Variants in CEP44 observed in about 807,000 individuals in gnomAD.
CEP44 encodes the protein centrosomal protein of 44 kDa.
A neutral mutation model predicts 46.7 loss-of-function variants in CEP44; 45 were observed. The ratio of observed to expected loss-of-function variants is 0.96; its 90% CI spans 0.76 to 1.24. CEP44 has a LOEUF of 1.24. Among genes scored for constraint, CEP44 ranks in the 50% most tolerant of loss-of-function variants. The pLI is 0.00. For synonymous variants in CEP44, 142 were observed against 146.0 expected (o/e 0.97, Z 0.20); for missense variants, 475 against 459.7 (o/e 1.03, Z -0.30).
intron 11 of CEP44, 151 bp downstream of exon 11, chr4:174,316,718 T>A: frequency 1.7e-6 from 1 of 603,498 alleles, no homozygotes; most frequent in South Asian, 2.4e-5. Context: ...GGATAATAAA[T>A]CCACCTACAG....
At position 174,314,734 on chromosome 4, in the gene CEP44, T is replaced by G. The variant is rs749360274; in HGVS notation, c.962-1432T>G. On this transcript the variant is annotated intron_variant, in intron 9 of 11. Transcript: ENST00000503780. This position sits in a 1 kb window ranked among gnomAD's most constrained non-coding sequence, Gnocchi z 4.1. ...AAGATTTAGTGCATAGTAGATATAG[T>G]TCCTGCCTAATTTCAAATTATTTCT... Among the ~76,000 whole-genome samples, 2 of 152,230 alleles carry G rather than the reference T, an allele frequency of 1.3e-5. No individual in the cohort carries two copies. Among genetic ancestry groups the G allele is most frequent in the Non-Finnish European group, 2.9e-5 (2 of 68,032 alleles).
rs1384104223 is a variant in CEP44 at position 174,319,558 on chromosome 4, A to G, written c.*2175A>G. 1.2e-6 allele frequency: 1 copy of G among 823,910 alleles called. No homozygotes were observed. Among genetic ancestry groups the G allele is most frequent in the African/African-American group, 1.9e-5 (1 of 53,988 alleles). 51.0% of individuals were successfully genotyped at this position (823,910 alleles called of 1,614,324 possible). ...TTTTCTTTATATAGTGCAGATATAC[A>G]CACAGAGAAGGGACTTAAAACATTT... is the stretch of plus-strand genomic sequence containing the variant. On this transcript the variant is annotated 3_prime_UTR_variant, in exon 12 of 12. Transcript: ENST00000503780.
At position 174,283,914 on chromosome 4, in the gene CEP44, G is replaced by C; in HGVS notation, c.-177G>C. 2 of 399,054 alleles carry C rather than the reference G, an allele frequency of 5.0e-6. No homozygotes were observed. The highest frequency in any genetic ancestry group is 8.8e-6 in the Non-Finnish European group (2 of 226,226). 24.7% of individuals were successfully genotyped at this position (399,054 alleles called of 1,614,324 possible). ...GCAGCGAGGAATCCTGGAGCACAGA[G>C]AAGCTCCCAGCTTTGAAGGTCTTGC... On this transcript the variant is annotated 5_prime_UTR_variant, in exon 1 of 12. Coordinates refer to ENST00000503780, the MANE Select transcript of CEP44 (RefSeq NM_001040157.3). The surrounding 1 kb of genome is among the most constrained non-coding windows in gnomAD (Gnocchi z 6.7).
rs573090815 is a variant in CEP44, at chr4:174,290,876, T to A, written c.-148+6933T>A. ...TAGTTGTTGTATCTTTCTATTGAAT[T>A]GACCCTTTTACTATTATATAATGCC... On this transcript the variant is annotated intron_variant, in intron 1 of 11. Transcript: ENST00000503780. The surrounding 1 kb of genome is among the most constrained non-coding windows in gnomAD (Gnocchi z 4.3). 2.0e-5 allele frequency among the ~76,000 whole-genome samples: 3 copies of A among 152,354 alleles called. No individual in the cohort carries two copies. The highest frequency in any genetic ancestry group is 7.2e-5 in the African/African-American group (3 of 41,590).
rs1007093187 is a variant in CEP44 at position 174,312,227 on chromosome 4, A to G, written c.961+1369A>G. 2.0e-5 allele frequency among the ~76,000 whole-genome samples: 3 copies of G among 151,828 alleles called. No homozygotes were observed. Among genetic ancestry groups the G allele is most frequent in the Admixed American group, 2.0e-4 (3 of 15,218 alleles). The stretch of plus-strand genomic sequence containing the variant: ...TATTTTTTTTTAATGACATGATTAT[A>G]GAATATACCTTTAACCTATTTAGAA... On this transcript the variant is annotated intron_variant, in intron 9 of 11. Coordinates refer to ENST00000503780, the MANE Select transcript of CEP44 (RefSeq NM_001040157.3). This position sits in a 1 kb window ranked among gnomAD's most constrained non-coding sequence, Gnocchi z 4.5.
downstream of CEP44, among the ~76,000 whole-genome samples, chr4:174,321,198 A>G (rs1742293317): frequency 1.3e-5 from 2 of 152,190 alleles, no homozygotes; most frequent in African/African-American, 4.8e-5. Context: ...CTTTAAGTTC[A>G]AGAAATATTA....
chr4:174,313,776 G>C (rs1741360731), intron 9 of CEP44, among the ~76,000 whole-genome samples: 1 of 152,132 alleles, frequency 6.6e-6, no homozygotes. Flanking sequence ...ATACAAAAAG[G>C]GTGAAGGAGA....
intron 8 of CEP44, among the ~76,000 whole-genome samples, chr4:174,330,488 CAA>C (rs199858781): frequency 2.8e-4 from 21 of 75,028 alleles, no homozygotes; most frequent in African/African-American, 4.7e-4. Flanking sequence ...GACTTCGTCT[CAA>C]AAAAAAAAAA....
At position 174,290,980 on chromosome 4, in the gene CEP44, A is replaced by G. The variant is rs1478354433; in HGVS notation, c.-147-6986A>G. ...ATAGCCACCCTGCTCTCTTTTGGTTATAGTTTGCATGGAATATCTTTCTCA... is the reference window on the plus strand; with the variant it reads ...ATAGCCACCCTGCTCTCTTTTGGTTGTAGTTTGCATGGAATATCTTTCTCA... On this transcript the variant is annotated intron_variant, in intron 1 of 11. Coordinates refer to ENST00000503780, the MANE Select transcript of CEP44 (RefSeq NM_001040157.3). The surrounding 1 kb of genome is among the most constrained non-coding windows in gnomAD (Gnocchi z 4.3). 3.3e-5 allele frequency among the ~76,000 whole-genome samples: 5 copies of G among 152,116 alleles called. No individual in the cohort carries two copies. Among genetic ancestry groups the G allele is most frequent in the Non-Finnish European group, 7.4e-5 (5 of 68,022 alleles).
Position 174,288,126 on chromosome 4 carries a change from G to A in CEP44, c.-148+4183G>A, listed in dbSNP as rs933973357. ...CTTCATTTTTTAACCTGTTTATTGC[G>A]GTATGATTGACATACAGAAAGCTAT... On this transcript the variant is annotated intron_variant, in intron 1 of 11. Coordinates refer to ENST00000503780, the MANE Select transcript of CEP44 (RefSeq NM_001040157.3). The surrounding 1 kb of genome is among the most constrained non-coding windows in gnomAD (Gnocchi z 4.6). Among the ~76,000 whole-genome samples, 5 of 152,048 alleles carry A rather than the reference G, an allele frequency of 3.3e-5. No individual in the cohort carries two copies. The highest frequency in any genetic ancestry group is 1.9e-4 in the East Asian group (1 of 5,190).
At chr4:174,291,063 G>A (rs887552005) in intron 1 of CEP44, among the ~76,000 whole-genome samples, 3 of 152,088 alleles carry the variant, frequency 2.0e-5, no homozygotes, top group Non-Finnish European at 4.4e-5. Flanking sequence ...TGTAGATAGC[G>A]TATAGTTGAG....
At chr4:174,296,905 A>G (rs77515238) in intron 1 of CEP44, among the ~76,000 whole-genome samples, 3,189 of 151,636 alleles carry the variant, frequency 0.021, 45 homozygotes, top group Non-Finnish European at 0.033. Flanking sequence ...TTGTGTTGTC[A>G]GGTGCATATA....
In CEP44 at chr4:174,310,889, T is replaced by C. The variant is rs774624854; in HGVS notation, c.961+31T>C. On this transcript the variant is annotated intron_variant, in intron 9 of 11. Coordinates refer to ENST00000503780, the MANE Select transcript of CEP44 (RefSeq NM_001040157.3). This position sits in a 1 kb window ranked among gnomAD's most constrained non-coding sequence, Gnocchi z 4.2. ...TTTGTAAATACTATGAGAATTGGTATGATGAGTTTTCAGAAAAATGATTGT... is the reference window on the plus strand; with the variant it reads ...TTTGTAAATACTATGAGAATTGGTACGATGAGTTTTCAGAAAAATGATTGT... The C allele has an allele frequency of 1.0e-6, 1 of 969,540 alleles. No individual in the cohort carries two copies. Among genetic ancestry groups the C allele is most frequent in the Non-Finnish European group, 1.6e-6 (1 of 630,990 alleles). The allele number at this position is 969,540 out of a possible 1,614,324, so 60.1% of individuals were successfully genotyped here.
At position 174,318,030 on chromosome 4, in the gene CEP44, A is replaced by G; in HGVS notation, c.*647A>G. On this transcript the variant is annotated 3_prime_UTR_variant, in exon 12 of 12. Coordinates refer to ENST00000503780, the MANE Select transcript of CEP44 (RefSeq NM_001040157.3). ...CTATGGTCTCAAGGTTCACCATGAGAAATGTGTTGAACATTTTAGTATGCT... is the reference window on the plus strand; with the variant it reads ...CTATGGTCTCAAGGTTCACCATGAGGAATGTGTTGAACATTTTAGTATGCT... 2 of 985,366 alleles carry G rather than the reference A, an allele frequency of 2.0e-6. No individual in the cohort carries two copies. Among genetic ancestry groups the G allele is most frequent in the South Asian group, 9.4e-5 (2 of 21,286 alleles). The allele number at this position is 985,366 out of a possible 1,614,324, so 61.0% of individuals were successfully genotyped here.
intron 6 of CEP44, 108 bp downstream of exon 6, chr4:174,304,477 T>C (rs1300928423): frequency 5.6e-6 from 8 of 1,421,632 alleles, no homozygotes; most frequent in East Asian, 2.6e-5. Flanking sequence ...TAGTTAGATA[T>C]TGGAGTTCAT....
chr4:174,301,550 A>G lies in CEP44; in HGVS notation c.90-489A>G, dbSNP rs1423619958. Among the ~76,000 whole-genome samples the G allele has an allele frequency of 6.6e-6, 1 of 152,206 alleles. No homozygotes were observed. The highest frequency in any genetic ancestry group is 6.5e-5 in the Admixed American group (1 of 15,284). ...TAGAAGGAGCAGTAAGTGAAAAGTA[A>G]TAGACTGGTCAACCAAGTCACAGTT... is the stretch of plus-strand genomic sequence containing the variant. On this transcript the variant is annotated intron_variant, in intron 3 of 11. Coordinates refer to ENST00000503780, the MANE Select transcript of CEP44 (RefSeq NM_001040157.3). This position sits in a 1 kb window ranked among gnomAD's most constrained non-coding sequence, Gnocchi z 4.3.
At chr4:174,322,991 G>A (rs2126692498), downstream of CEP44, among the ~76,000 whole-genome samples, 1 of 152,010 alleles carries the variant, frequency 6.6e-6, no homozygotes, top group South Asian at 2.1e-4. Flanking sequence ...TGATATTTTT[G>A]AAAAGTTACT....
intron 1 of CEP44, among the ~76,000 whole-genome samples, chr4:174,295,082 A>C (rs1314563237): frequency 7.3e-6 from 1 of 136,792 alleles, no homozygotes; most frequent in Non-Finnish European, 1.6e-5. Flanking sequence ...CGGGGGGCTG[A>C]TCCCCCCACC....
At chr4:174,284,185 A>C in intron 1 of CEP44, 2 of 397,668 alleles carry the variant, frequency 5.0e-6, no homozygotes, top group Non-Finnish European at 8.8e-6. Context: ...TATTGGGCGG[A>C]GGTCGCCTCT....
Sources: gnomAD v4.1 joint callset for allele counts (sites outside exome capture counted in the v4.1 genomes callset) on GRCh38, gnomAD v4.1.1 for gene constraint, Gnocchi (gnomAD v3.1) non-coding constraint, MANE v1.5 for transcripts, NCBI Gene and HGNC (gene_info 2026-07-23, HGNC 2026-07-21) for gene names.